AKT3: variants seen among roughly 807,000 people sequenced by gnomAD.
AKT3 encodes RAC-gamma serine/threonine-protein kinase.
Under a neutral mutation model 65.3 loss-of-function variants are expected in AKT3, and 15 were observed. That is an observed-to-expected ratio of 0.23 (90% confidence interval 0.15 to 0.35). The LOEUF (loss-of-function observed/expected upper bound fraction) is 0.35, where lower values mean the gene tolerates loss of function less well. AKT3 is among the 10% of genes least tolerant of loss of function. The pLI is 1.00. For missense variants in AKT3, 243 were observed against 576.5 expected (o/e 0.42, Z 5.92); for synonymous variants, 206 against 183.8 (o/e 1.12, Z -0.98).
chr1:243,497,631 T>C (rs1334406781), downstream of AKT3, among the ~76,000 whole-genome samples: 2 of 152,120 alleles, frequency 1.3e-5, no homozygotes, highest in Non-Finnish European at 2.9e-5. Flanking sequence ...AGACTCATCA[T>C]GAGAAATGCC....
At chr1:243,505,386 TTATCTC>T (rs1328266622) in intron 13 of AKT3, 52 bp from the exon 14 acceptor site, 1 of 1,486,008 alleles carries the variant, frequency 6.7e-7, no homozygotes, top group Non-Finnish European at 9.4e-7. Flanking sequence ...TTTTGCAACA[TTATCTC>T]TAGTCTATGT....
intron 2 of AKT3, among the ~76,000 whole-genome samples, chr1:243,771,220 C>A (rs1157638781): frequency 6.6e-6 from 1 of 152,100 alleles, no homozygotes; most frequent in Non-Finnish European, 1.5e-5. Flanking sequence ...GTTAACTATT[C>A]CTTTCCTATT....
chr1:243,772,775 T>C (rs1242047996), intron 2 of AKT3, among the ~76,000 whole-genome samples: 1 of 152,100 alleles, frequency 6.6e-6, no homozygotes, highest in Non-Finnish European at 1.5e-5. Flanking sequence ...TAGCAAAGAC[T>C]TGGAACCAAT....
rs1172388560 is a variant in AKT3, at chr1:243,693,243, GATATATATATATAT to G, written c.172+2334_172+2347del. On this transcript the variant is annotated intron_variant, in intron 3 of 13. Transcript: ENST00000673466. ...TATATCCCTTTGGTAGCTACAATTT[GATATATATATATAT>G]ATATATATATATATATATATATATA... Among the ~76,000 whole-genome samples, 199 of 45,378 alleles carry G rather than the reference GATATATATATATAT, an allele frequency of 4.4e-3. 1 individual carries two copies. The highest frequency in any genetic ancestry group is 0.016 in the East Asian group (19 of 1,194). 29.8% of individuals were successfully genotyped at this position (45,378 alleles called of 152,430 possible).
Position 243,500,611 on chromosome 1 carries a change from C to T in AKT3, c.*4638G>A. The T allele has an allele frequency of 4.4e-6, 1 of 229,634 alleles. No homozygotes were observed. The highest frequency in any genetic ancestry group is 8.6e-6 in the Non-Finnish European group (1 of 115,812). The allele number at this position is 229,634 out of a possible 1,614,324, so 14.2% of individuals were successfully genotyped here. ...CATACCGTGTTGTATCTGAGAATGACAAACACTAAAGGCAAGGCTGCAGTT... is the reference window on the plus strand; with the variant it reads ...CATACCGTGTTGTATCTGAGAATGATAAACACTAAAGGCAAGGCTGCAGTT... On this transcript the variant is annotated 3_prime_UTR_variant, in exon 14 of 14. Transcript: ENST00000673466.
intron 6 of AKT3, among the ~76,000 whole-genome samples, chr1:243,626,054 A>G (rs929773564): frequency 4.6e-5 from 7 of 152,238 alleles, no homozygotes; most frequent in Non-Finnish European, 8.8e-5. Flanking sequence ...CATGGTCATC[A>G]GGATGTTTGT....
chr1:243,637,949 A>G (rs1405923938), intron 5 of AKT3, among the ~76,000 whole-genome samples: 1 of 152,148 alleles, frequency 6.6e-6, no homozygotes, highest in Non-Finnish European at 1.5e-5. Flanking sequence ...CAGATGTTGG[A>G]GAAAATGATT....
intron 2 of AKT3, among the ~76,000 whole-genome samples, chr1:243,794,822 C>A (rs960524184): frequency 3.9e-5 from 6 of 152,148 alleles, no homozygotes; most frequent in Admixed American, 2.0e-4. Context: ...AAAAGAATAC[C>A]AGTTTTTGCA....
rs752209313 is a variant in AKT3, at chr1:243,806,052, T to C, written c.46+37073A>G. Among the ~76,000 whole-genome samples, 19 of 152,110 alleles carry C rather than the reference T, an allele frequency of 1.2e-4. 1 individual carries two copies. Among genetic ancestry groups the C allele is most frequent in the African/African-American group, 4.6e-4 (19 of 41,424 alleles). On this transcript the variant is annotated intron_variant, in intron 2 of 13. Coordinates refer to ENST00000673466, the MANE Select transcript of AKT3 (RefSeq NM_005465.7). ...TCCTCAGCATGCTTCCTATTTTCTA[T>C]TGCCTAGAACACCCTTCTTCCCTTC... is the stretch of plus-strand genomic sequence containing the variant.
chr1:243,822,503 T>C (rs1004813177), intron 2 of AKT3, among the ~76,000 whole-genome samples: 2 of 150,578 alleles, frequency 1.3e-5, no homozygotes, highest in Non-Finnish European at 3.0e-5. Context: ...CTGGTTTTTT[T>C]AAAAAATTAA....
chr1:243,802,719 CA>C (rs545122931), intron 2 of AKT3, among the ~76,000 whole-genome samples: 147 of 152,264 alleles, frequency 9.7e-4, no homozygotes, highest in African/African-American at 2.8e-3. Flanking sequence ...GGCAAGAAAA[CA>C]AAGGCCCAGT....
chr1:243,606,838 G>A (rs191590569), intron 8 of AKT3, among the ~76,000 whole-genome samples: 34 of 152,322 alleles, frequency 2.2e-4, no homozygotes, highest in African/African-American at 7.2e-4. Flanking sequence ...CCCCCAACCC[G>A]GCTCTGTGCA....
intron 2 of AKT3, among the ~76,000 whole-genome samples, chr1:243,724,040 C>T (rs142106779): frequency 4.2e-4 from 64 of 152,068 alleles, no homozygotes; most frequent in Non-Finnish European, 2.1e-4. Context: ...CCTTATTTTC[C>T]GAGTCAGAAA....
intron 6 of AKT3, among the ~76,000 whole-genome samples, chr1:243,636,609 G>C (rs1450909050): frequency 6.6e-6 from 1 of 152,008 alleles, no homozygotes; most frequent in Admixed American, 6.6e-5. Flanking sequence ...AAGATATTGA[G>C]CACATTCGGC....
chr1:243,768,506 A>G (rs1386510945), intron 2 of AKT3, among the ~76,000 whole-genome samples: 1 of 152,128 alleles, frequency 6.6e-6, no homozygotes, highest in Non-Finnish European at 1.5e-5. Flanking sequence ...TCCCTATCAA[A>G]AACAGTTCAT....
chr1:243,712,617 C>T (rs963688524), intron 2 of AKT3, among the ~76,000 whole-genome samples: 2 of 151,974 alleles, frequency 1.3e-5, no homozygotes, highest in Non-Finnish European at 2.9e-5. Flanking sequence ...CAGAGCTTCT[C>T]TTTTTTGTTT....
chr1:243,675,328 T>C (rs10927058), intron 3 of AKT3, among the ~76,000 whole-genome samples: 79,277 of 152,024 alleles, frequency 0.52, 24,592 homozygotes, highest in Non-Finnish European at 0.69. Flanking sequence ...GCCTCCTGAG[T>C]AACTGGGATT....
intron 5 of AKT3, 116 bp from the exon 6 acceptor site, chr1:243,637,858 A>C: frequency 1.6e-6 from 1 of 615,432 alleles, no homozygotes; most frequent in South Asian, 3.2e-5. Flanking sequence ...ATTTATAAGC[A>C]CATTTAAATG....
chr1:243,849,515 T>C (rs902357833), intron 1 of AKT3, among the ~76,000 whole-genome samples: 2 of 145,944 alleles, frequency 1.4e-5, no homozygotes, highest in Admixed American at 6.9e-5. Context: ...GCAGACAGCC[T>C]CAGCGCCAGG....
Sources: allele counts gnomAD v4.1 joint callset (sites outside exome capture counted in the v4.1 genomes callset), GRCh38; gene constraint gnomAD v4.1.1; transcripts MANE v1.5; gene names NCBI Gene and HGNC (gene_info 2026-07-23, HGNC 2026-07-21).